Variants in ZNF274 observed in about 807,000 individuals in gnomAD.
ZNF274 encodes the protein neurotrophin receptor-interacting factor homolog.
Under a neutral mutation model 42.5 loss-of-function variants are expected in ZNF274, and 23 were observed. The ratio of observed to expected loss-of-function variants is 0.54; its 90% confidence interval spans 0.39 to 0.77. The LOEUF is 0.77. ZNF274 is among the 30% of genes least tolerant of loss of function. The pLI is 0.00. For synonymous variants in ZNF274, 292 were observed against 305.4 expected (o/e 0.96, Z 0.46); for missense variants, 679 against 806.5 (o/e 0.84, Z 1.91).
Position 58,183,992 on chromosome 19 carries a change from G to A in ZNF274, c.27G>A (p.Trp9Ter). 1 of 1,594,784 alleles carries A rather than the reference G, an allele frequency of 6.3e-7. No individual in the cohort carries two copies. The highest frequency in any genetic ancestry group is 8.5e-7 in the Non-Finnish European group (1 of 1,170,548). Residue 9 changes from tryptophan (W) to a stop codon, truncating the protein, a stop_gained, in exon 2 of 8, where the codon TGG (tryptophan) becomes TGA (stop). Coordinates refer to ENST00000617501, the MANE Select transcript of ZNF274 (RefSeq NM_133502.3). LOFTEE classifies it high-confidence loss of function. ...TGGCCTCCAGGCTTCCGACGGCCTG[G>A]TCCTGTGTGAGTAGAGGCTTCCTTC... Reference protein sequence around the residue: MASRLPTAWSCEPVTFEDV... With the variant: MASRLPTA
chr19:58,206,087 A>G (rs1385371175), intron 4 of ZNF274, among the ~76,000 whole-genome samples: 1 of 152,158 alleles, frequency 6.6e-6, no homozygotes, highest in Non-Finnish European at 1.5e-5. Flanking sequence ...GTCTCCCACC[A>G]ATCCTCTCAA....
At chr19:58,198,983 C>T (rs2075876344) in intron 4 of ZNF274, among the ~76,000 whole-genome samples, 1 of 151,600 alleles carries the variant, frequency 6.6e-6, no homozygotes, top group African/African-American at 2.4e-5. Context: ...TGGAGACCAC[C>T]CCGGGCAGCA....
intron 4 of ZNF274, among the ~76,000 whole-genome samples, chr19:58,202,653 A>G (rs916668849): frequency 6.6e-6 from 1 of 152,216 alleles, no homozygotes; most frequent in Non-Finnish European, 1.5e-5. Flanking sequence ...GTGGAATGAG[A>G]ATCCAGTTCC....
chr19:58,185,895 C>A (rs2075692135), intron 3 of ZNF274, 57 bp downstream of exon 3: 3 of 1,316,200 alleles, frequency 2.3e-6, no homozygotes, highest in Admixed American at 6.1e-5. Flanking sequence ...AATGTAGCAC[C>A]TCTGAAGTAT....
At chr19:58,199,076 T>C (rs1218538626) in intron 4 of ZNF274, among the ~76,000 whole-genome samples, 1 of 152,012 alleles carries the variant, frequency 6.6e-6, no homozygotes, top group Non-Finnish European at 1.5e-5. Context: ...ATTAAAATGA[T>C]ACTATTTGGC....
In ZNF274 at chr19:58,188,620, AATATATATATAT is replaced by A. The variant is rs60934983; in HGVS notation, c.256+1593_256+1604del. ...GACTCCATCTCAAAAAAAAAAAAAA[AATATATATATAT>A]ATATATATATATATGTAAAAAATAG... On this transcript the variant is annotated intron_variant, in intron 4 of 7. Transcript: ENST00000617501. 5.3e-4 allele frequency among the ~76,000 whole-genome samples: 37 copies of A among 70,358 alleles called. 1 individual carries two copies. The highest frequency in any genetic ancestry group is 3.2e-3 in the South Asian group (8 of 2,498). 46.2% of individuals were successfully genotyped at this position (70,358 alleles called of 152,430 possible). A position where few individuals can be genotyped will look rare whatever the true frequency, so the allele number is the denominator to read the frequency against.
chr19:58,207,864 T>C lies in ZNF274; in HGVS notation c.739+662T>C, dbSNP rs1449530178. Among the ~76,000 whole-genome samples the C allele has an allele frequency of 6.6e-6, 1 of 152,250 alleles. No homozygotes were observed. Among genetic ancestry groups the C allele is most frequent in the African/African-American group, 2.4e-5 (1 of 41,468 alleles). On this transcript the variant is annotated intron_variant, in intron 5 of 7. Transcript: ENST00000617501. This position sits in a 1 kb window ranked among gnomAD's most constrained non-coding sequence, Gnocchi z 5.6. ...TTCTAAAACAGTAGGGCTCGATCCC[T>C]GAGTTCCAGAAACTGGTGGCACCAC... is the stretch of plus-strand genomic sequence containing the variant.
At chr19:58,194,914 T>C (rs1008283496) in intron 4 of ZNF274, among the ~76,000 whole-genome samples, 1 of 151,924 alleles carries the variant, frequency 6.6e-6, no homozygotes, top group Admixed American at 6.6e-5. Context: ...GGCAGGAGAA[T>C]GGCATGAAGC....
Position 58,213,032 on chromosome 19 carries a change from C to T in ZNF274, c.1851C>T (p.Arg617=). 2.5e-6 allele frequency: 4 copies of T among 1,614,030 alleles called. No individual in the cohort carries two copies. Among genetic ancestry groups the T allele is most frequent in the Non-Finnish European group, 3.4e-6 (4 of 1,179,914 alleles). Reference sequence around the variant, plus strand: ...ATCAGAGGACTCACACCGGGGAGCGCCCATATGCATGCAACAAATGTGGAA... The same window carrying T: ...ATCAGAGGACTCACACCGGGGAGCGTCCATATGCATGCAACAAATGTGGAA... The part of the protein sequence containing the change: ...IRHQRTHTGE[R]PYACNKCGKA... Residue 617 remains arginine (R), a synonymous_variant, in exon 8 of 8, where the codon CGC becomes CGT. Coordinates refer to ENST00000617501, the MANE Select transcript of ZNF274 (RefSeq NM_133502.3).
At chr19:58,203,699 A>G (rs2075945002) in intron 4 of ZNF274, among the ~76,000 whole-genome samples, 1 of 152,232 alleles carries the variant, frequency 6.6e-6, no homozygotes, top group African/African-American at 2.4e-5. Context: ...AGAAACAGAA[A>G]GGGAATTAAA....
rs77216405 is a variant in ZNF274 at position 58,207,638 on chromosome 19, G to T, written c.739+436G>T. Among the ~76,000 whole-genome samples, 1 of 152,168 alleles carries T rather than the reference G, an allele frequency of 6.6e-6. No individual in the cohort carries two copies. Among genetic ancestry groups the T allele is most frequent in the Non-Finnish European group, 1.5e-5 (1 of 68,030 alleles). On this transcript the variant is annotated intron_variant, in intron 5 of 7. Coordinates refer to ENST00000617501, the MANE Select transcript of ZNF274 (RefSeq NM_133502.3). This position sits in a 1 kb window ranked among gnomAD's most constrained non-coding sequence, Gnocchi z 5.6. ...GTCTGCAGCTGACACCTGGTGTGGA[G>T]TGGAACTTGGCCAGGGTAAAGAAAG...
chr19:58,185,675 G>A (rs770594950), intron 2 of ZNF274, 37 bp from the exon 3 acceptor site: 16 of 1,398,008 alleles, frequency 1.1e-5, no homozygotes, highest in Non-Finnish European at 1.5e-5. Flanking sequence ...TCGTGGATGC[G>A]GATGGCCTGT....
At chr19:58,198,408 CTA>C (rs1308965235) in intron 4 of ZNF274, among the ~76,000 whole-genome samples, 3 of 152,250 alleles carry the variant, frequency 2.0e-5, no homozygotes, top group African/African-American at 7.2e-5. Flanking sequence ...TATACATAAA[CTA>C]TTTCTTAAAA....
intron 4 of ZNF274, among the ~76,000 whole-genome samples, chr19:58,196,854 G>A (rs886794066): frequency 2.6e-5 from 4 of 152,032 alleles, no homozygotes; most frequent in Admixed American, 6.6e-5. Context: ...CATCTTTCAC[G>A]GGACATTAAC....
intron 6 of ZNF274, 71 bp downstream of exon 6, chr19:58,210,144 A>G: frequency 7.8e-7 from 1 of 1,276,378 alleles, no homozygotes; most frequent in Middle Eastern, 2.0e-4. Context: ...TGAGGCATCC[A>G]CTCTGCCCTG....
In ZNF274 at chr19:58,208,250, AG is replaced by A. The variant is rs2076001300; in HGVS notation, c.739+1053del. 6.6e-6 allele frequency: 1 copy of A among 152,288 alleles called. No homozygotes were observed. The highest frequency in any genetic ancestry group is 6.5e-5 in the Admixed American group (1 of 15,280). The allele number at this position is 152,288 out of a possible 1,614,324, so 9.4% of individuals were successfully genotyped here. ...TGCAGGAAAGGGGAAGGTATCCTGC[AG>A]GGGGATGGTGGGATTCTAAGAGGCC... On this transcript the variant is annotated intron_variant, in intron 5 of 7. Transcript: ENST00000617501. The surrounding 1 kb of genome is among the most constrained non-coding windows in gnomAD (Gnocchi z 4.5).
chr19:58,203,579 C>CAAAAAAAA (rs34444681), intron 4 of ZNF274, among the ~76,000 whole-genome samples: 1 of 80,282 alleles, frequency 1.2e-5, no homozygotes. Context: ...AACTCCGTCT[C>CAAAAAAAA]AAAAAAAAAA....
chr19:58,201,014 T>G (rs1414241665), intron 4 of ZNF274, among the ~76,000 whole-genome samples: 2 of 149,310 alleles, frequency 1.3e-5, no homozygotes, highest in East Asian at 2.0e-4. Flanking sequence ...TTTGTTTTGT[T>G]TTTTTTTTTG....
Position 58,204,412 on chromosome 19 carries a change from A to G in ZNF274, c.257-2308A>G, listed in dbSNP as rs558457554. ...GCGTCGACCCATTTCGTCGGCTGAGAGACTGGGTCTTGTGTGGACGGTGCT... is the reference window on the plus strand; with the variant it reads ...GCGTCGACCCATTTCGTCGGCTGAGGGACTGGGTCTTGTGTGGACGGTGCT... On this transcript the variant is annotated intron_variant, in intron 4 of 7. Transcript: ENST00000617501. 4.6e-5 allele frequency among the ~76,000 whole-genome samples: 7 copies of G among 152,058 alleles called. No individual in the cohort carries two copies. The East Asian group carries it at 1.4e-3, about 30-fold the overall frequency.
Sources: allele counts gnomAD v4.1 joint callset (sites outside exome capture counted in the v4.1 genomes callset), GRCh38; gene constraint gnomAD v4.1.1; non-coding constraint Gnocchi (gnomAD v3.1); transcripts MANE v1.5; gene names NCBI Gene and HGNC (gene_info 2026-07-23, HGNC 2026-07-21).